The following TYR variants were observed in gnomAD, a reference collection of about 807,000 sequenced individuals.
The protein encoded by TYR is tyrosinase, also known as LB24-AB.
Under a neutral mutation model 51.5 loss-of-function variants are expected in TYR, and 58 were observed. The observed-to-expected ratio is 1.13, with a 90% confidence interval of 0.91 to 1.40. TYR has a LOEUF of 1.40. Among genes scored for constraint, TYR ranks in the 40% most tolerant of loss-of-function variants. The pLI is 0.00. For missense variants in TYR, 732 were observed against 647.4 expected (o/e 1.13, Z -1.42); for synonymous variants, 263 against 235.2 (o/e 1.12, Z -1.08).
chr11:89,197,273 C>A (rs1253884400), intron 2 of TYR, among the ~76,000 whole-genome samples: 1 of 152,058 alleles, frequency 6.6e-6, no homozygotes, highest in Non-Finnish European at 1.5e-5. Context: ...TCCGTGTATA[C>A]CAGTGTCTCT....
intron 3 of TYR, among the ~76,000 whole-genome samples, chr11:89,253,378 C>A (rs1419426927): frequency 2.0e-5 from 3 of 151,544 alleles, no homozygotes; most frequent in African/African-American, 7.3e-5. Context: ...CACAGCCCTG[C>A]CAAGTATTGG....
intron 2 of TYR, among the ~76,000 whole-genome samples, chr11:89,216,660 A>AG (rs1187913841): frequency 2.0e-5 from 3 of 150,674 alleles, no homozygotes; most frequent in African/African-American, 7.3e-5. Context: ...AAAAAAAAAA[A>AG]AAAAAAAAAT....
intron 2 of TYR, among the ~76,000 whole-genome samples, chr11:89,226,449 A>G (rs1210097883): frequency 2.0e-5 from 3 of 152,108 alleles, no homozygotes; most frequent in Non-Finnish European, 4.4e-5. Flanking sequence ...GTTGTCATAG[A>G]CAAAACTGTG....
intron 3 of TYR, among the ~76,000 whole-genome samples, chr11:89,271,168 T>A (rs1332559238): frequency 1.3e-5 from 2 of 151,898 alleles, no homozygotes; most frequent in African/African-American, 2.4e-5. Context: ...TACTCTATGC[T>A]ACACGTTACT....
intron 3 of TYR, among the ~76,000 whole-genome samples, chr11:89,284,468 T>C (rs1268962386): frequency 6.6e-6 from 1 of 151,852 alleles, no homozygotes; most frequent in African/African-American, 2.4e-5. Flanking sequence ...CAATTGTCAC[T>C]CAACCAATAG....
intron 3 of TYR, among the ~76,000 whole-genome samples, chr11:89,248,414 C>A (rs1247753043): frequency 6.6e-6 from 1 of 151,974 alleles, no homozygotes; most frequent in Non-Finnish European, 1.5e-5. Context: ...AGGAAATGAC[C>A]TGTAATTTGA....
At chr11:89,270,621 T>C (rs1433928678) in intron 3 of TYR, among the ~76,000 whole-genome samples, 1 of 151,848 alleles carries the variant, frequency 6.6e-6, no homozygotes, top group African/African-American at 2.4e-5. Flanking sequence ...GATCCTTTCT[T>C]CTCCAAGTTC....
chr11:89,178,026 G>GT lies in TYR; in HGVS notation c.74dup (p.Ser26LeufsTer3), dbSNP rs1057518763. Reference sequence around the variant, plus strand: ...CGCTGGCCATTTCCCTAGAGCCTGTGTCTCCTCTAAGAACCTGATGGAGAA... The same window carrying GT: ...CGCTGGCCATTTCCCTAGAGCCTGTGTTCTCCTCTAAGAACCTGATGGAGAA... On this transcript the variant is annotated frameshift_variant, in exon 1 of 5. Transcript: ENST00000263321. LOFTEE classifies it high-confidence loss of function. 5 of 1,614,074 alleles carry GT rather than the reference G, an allele frequency of 3.1e-6. No individual in the cohort carries two copies. Among genetic ancestry groups the GT allele is most frequent in the Middle Eastern group, 1.6e-4 (1 of 6,080 alleles).
At chr11:89,251,823 C>G (rs552937732) in intron 3 of TYR, among the ~76,000 whole-genome samples, 31 of 151,884 alleles carry the variant, frequency 2.0e-4, no homozygotes, top group African/African-American at 7.5e-4. Context: ...CACCAATGAT[C>G]CCTGTTCTGT....
At chr11:89,290,144 A>G (rs1457478112) in intron 4 of TYR, among the ~76,000 whole-genome samples, 3 of 152,090 alleles carry the variant, frequency 2.0e-5, no homozygotes, top group Non-Finnish European at 2.9e-5. Context: ...AAAAGAATGG[A>G]TGACAAGAAA....
Position 89,207,397 on chromosome 11 carries a change from G to A in TYR, c.1036+15979G>A, listed in dbSNP as rs547163845. Among the ~76,000 whole-genome samples the A allele has an allele frequency of 5.2e-4, 79 of 152,086 alleles. 2 individuals carry two copies. The South Asian group carries it at 6.0e-3, about 12-fold the overall frequency. The stretch of plus-strand genomic sequence containing the variant: ...GAAATGAACTAATTCCTAAAAAAGC[G>A]CAAACTATACCACTCACCCAATAAG... On this transcript the variant is annotated intron_variant, in intron 2 of 4. Transcript: ENST00000263321.
intron 2 of TYR, among the ~76,000 whole-genome samples, chr11:89,202,135 A>G (rs994118884): frequency 1.3e-5 from 2 of 152,144 alleles, no homozygotes; most frequent in Admixed American, 6.6e-5. Flanking sequence ...TCACATAATT[A>G]TTTGTATTTA....
chr11:89,201,936 C>G (rs969797606), intron 2 of TYR, among the ~76,000 whole-genome samples: 1 of 152,078 alleles, frequency 6.6e-6, no homozygotes, highest in Non-Finnish European at 1.5e-5. Context: ...ATGTTGATAT[C>G]TAAAGGCACA....
chr11:89,284,748 G>A, intron 3 of TYR, 25 bp from the exon 4 acceptor site: 4 of 1,608,090 alleles, frequency 2.5e-6, no homozygotes, highest in Middle Eastern at 1.7e-4. Context: ...ATGTTTCTTA[G>A]TCTGAATAAC....
chr11:89,206,338 G>A (rs1943672204), intron 2 of TYR, among the ~76,000 whole-genome samples: 1 of 152,166 alleles, frequency 6.6e-6, no homozygotes, highest in Non-Finnish European at 1.5e-5. Flanking sequence ...CAAAGTTAAA[G>A]TGGCTATATT....
intron 2 of TYR, among the ~76,000 whole-genome samples, chr11:89,224,599 C>T (rs1471157701): frequency 6.6e-6 from 1 of 152,114 alleles, no homozygotes; most frequent in African/African-American, 2.4e-5. Context: ...CCAAATGAAT[C>T]TGATTGAGAA....
chr11:89,261,851 T>A (rs887988827), intron 3 of TYR, among the ~76,000 whole-genome samples: 1 of 152,034 alleles, frequency 6.6e-6, no homozygotes, highest in Non-Finnish European at 1.5e-5. Context: ...ACAAGGTATA[T>A]TCTCCAACCA....
At chr11:89,191,955 G>T in intron 2 of TYR, 1 of 424,440 alleles carries the variant, frequency 2.4e-6, no homozygotes, top group South Asian at 1.7e-5. Flanking sequence ...TAAGTCTGTG[G>T]ACTGATACTA....
At chr11:89,201,802 C>T (rs1259469204) in intron 2 of TYR, among the ~76,000 whole-genome samples, 1 of 152,040 alleles carries the variant, frequency 6.6e-6, no homozygotes, top group Non-Finnish European at 1.5e-5. Flanking sequence ...TCTGTTGGCC[C>T]CATTTTGTTA....
Sources: allele counts gnomAD v4.1 joint callset (sites outside exome capture counted in the v4.1 genomes callset), GRCh38; gene constraint gnomAD v4.1.1; transcripts MANE v1.5; gene names NCBI Gene and HGNC (gene_info 2026-07-23, HGNC 2026-07-21).